The following CDH13 variants were observed in gnomAD, a reference collection of about 807,000 sequenced individuals.
CDH13 encodes cadherin 13.
In CDH13, 24 loss-of-function variants were observed where a neutral mutation model predicts 63.8. The observed-to-expected ratio is 0.38, with a 90% CI of 0.27 to 0.53. CDH13 has a LOEUF of 0.53. Ranked by LOEUF, CDH13 falls within the 20% of genes least tolerant of loss-of-function variation. The pLI, the probability that CDH13 is intolerant of heterozygous loss-of-function variation, is 0.85. For synonymous variants in CDH13, 503 were observed against 355.3 expected, an observed-to-expected ratio of 1.42 and a Z score of -4.67; for missense variants, 1,049 against 903.1, an observed-to-expected ratio of 1.16 and a Z score of -2.07.
At chr16:83,043,745 G>C (rs938179682) in intron 3 of CDH13, among the ~76,000 whole-genome samples, 6 of 151,348 alleles carry the variant, frequency 4.0e-5, no homozygotes, top group Non-Finnish European at 8.8e-5. Flanking sequence ...TGTAATCCCA[G>C]CTACTCAGGA....
chr16:82,649,908 G>T (rs1049775056), intron 1 of CDH13, among the ~76,000 whole-genome samples: 21 of 152,170 alleles, frequency 1.4e-4, no homozygotes, highest in Admixed American at 5.2e-4. Flanking sequence ...TTCCTGAGAG[G>T]AGGAATTGAA....
At chr16:82,795,765 C>G (rs2036550718) in intron 1 of CDH13, among the ~76,000 whole-genome samples, 1 of 152,068 alleles carries the variant, frequency 6.6e-6, no homozygotes, top group South Asian at 2.1e-4. Context: ...AAAACAATGG[C>G]TGTAGTGGTG....
intron 5 of CDH13, among the ~76,000 whole-genome samples, chr16:83,263,885 T>A (rs1364312): frequency 0.38 from 56,534 of 150,346 alleles, 10,751 homozygotes; most frequent in South Asian, 0.45. Flanking sequence ...GCTGAATTTT[T>A]TAAAAAAAAT....
Position 83,603,509 on chromosome 16 carries a change from G to A in CDH13, c.1101+915G>A, listed in dbSNP as rs149369190. 1.2e-3 allele frequency among the ~76,000 whole-genome samples: 188 copies of A among 152,204 alleles called. 1 individual carries two copies. The highest frequency in any genetic ancestry group is 2.1e-3 in the Non-Finnish European group (143 of 68,034). On this transcript the variant is annotated intron_variant, in intron 8 of 13. Transcript: ENST00000567109. ...AAGGTCATGGACAGAAAAAGTGGCAGAAACAGGAAGTGAACCAGGTTCCTG... is the reference window on the plus strand; with the variant it reads ...AAGGTCATGGACAGAAAAAGTGGCAAAAACAGGAAGTGAACCAGGTTCCTG...
chr16:83,785,687 A>T (rs1915834277), intron 13 of CDH13, among the ~76,000 whole-genome samples: 1 of 152,136 alleles, frequency 6.6e-6, no homozygotes, highest in Admixed American at 6.6e-5. Context: ...GCATAGTATC[A>T]GCTGGGGAGA....
At chr16:83,141,684 C>G (rs910068990) in intron 4 of CDH13, among the ~76,000 whole-genome samples, 12 of 152,098 alleles carry the variant, frequency 7.9e-5, no homozygotes, top group Non-Finnish European at 7.4e-5. Flanking sequence ...CAACCCCCAA[C>G]AGGCCCCAGT....
intron 6 of CDH13, among the ~76,000 whole-genome samples, chr16:83,449,623 C>T (rs547755458): frequency 3.3e-5 from 5 of 152,270 alleles, no homozygotes; most frequent in East Asian, 1.9e-4. Flanking sequence ...ACACAGGATG[C>T]AGTTCCCACA....
Position 83,111,304 on chromosome 16 carries a change from G to T in CDH13, c.367-14081G>T, listed in dbSNP as rs762165163. 5.3e-5 allele frequency among the ~76,000 whole-genome samples: 8 copies of T among 152,330 alleles called. No individual in the cohort carries two copies. The South Asian group carries it at 1.7e-3, about 32-fold the overall frequency. ...AATATCATTGGATAGTGCCATGATAGAAGAATGTCCCATGTGCAGTGAGAA... is the reference window on the plus strand; with the variant it reads ...AATATCATTGGATAGTGCCATGATATAAGAATGTCCCATGTGCAGTGAGAA... On this transcript the variant is annotated intron_variant, in intron 3 of 13. Transcript: ENST00000567109.
At chr16:83,001,819 C>T (rs922125054) in intron 2 of CDH13, among the ~76,000 whole-genome samples, 4 of 152,170 alleles carry the variant, frequency 2.6e-5, no homozygotes, top group Admixed American at 2.6e-4. Flanking sequence ...TGGAGAAGAT[C>T]ACTTTTGACT....
chr16:82,936,451 C>T (rs564535394), intron 2 of CDH13, among the ~76,000 whole-genome samples: 60 of 152,034 alleles, frequency 3.9e-4, no homozygotes, highest in African/African-American at 5.3e-4. Context: ...AGTTTCAACC[C>T]GAATCCACCC....
intron 7 of CDH13, among the ~76,000 whole-genome samples, chr16:83,584,514 CT>C (rs1375796870): frequency 6.6e-6 from 1 of 152,122 alleles, no homozygotes; most frequent in Admixed American, 6.5e-5. Context: ...AAAGTGACCC[CT>C]GAGGCGGTCA....
chr16:83,667,207 T>A (rs991326224), intron 8 of CDH13, among the ~76,000 whole-genome samples: 1 of 152,170 alleles, frequency 6.6e-6, no homozygotes, highest in Non-Finnish European at 1.5e-5. Context: ...TGCACATCTC[T>A]GAGAATTCCT....
At chr16:82,947,066 A>C (rs1904813033) in intron 2 of CDH13, among the ~76,000 whole-genome samples, 1 of 147,648 alleles carries the variant, frequency 6.8e-6, no homozygotes, top group South Asian at 2.1e-4. Context: ...AAGAAAGTTT[A>C]AGGCTATCTC....
chr16:82,982,749 T>C (rs1330270411), intron 2 of CDH13, among the ~76,000 whole-genome samples: 1 of 152,190 alleles, frequency 6.6e-6, no homozygotes, highest in Non-Finnish European at 1.5e-5. Context: ...CGCATCACAA[T>C]CCTATAACTA....
chr16:83,117,296 C>T (rs148458898), intron 3 of CDH13, among the ~76,000 whole-genome samples: 146 of 152,294 alleles, frequency 9.6e-4, no homozygotes, highest in African/African-American at 3.3e-3. Flanking sequence ...ACCTTGCCCA[C>T]GCCAGCAGCT....
At position 83,783,537 on chromosome 16, in the gene CDH13, C is replaced by G. The variant is rs1475368966; in HGVS notation, c.2134+65C>G. The G allele has an allele frequency of 5.8e-6, 7 of 1,202,484 alleles. No homozygotes were observed. In the African/African-American group the frequency reaches 7.5e-5, roughly 13 times the overall value. The allele number at this position is 1,202,484 out of a possible 1,614,324, so 74.5% of individuals were successfully genotyped here. On this transcript the variant is annotated intron_variant, in intron 13 of 13. Coordinates refer to ENST00000567109, the MANE Select transcript of CDH13 (RefSeq NM_001257.5). ...TTGTAACTTCACTGGGTTCGTGAAG[C>G]CAGCATTTTCCCATATACCTTTCCA... is the stretch of plus-strand genomic sequence containing the variant.
At chr16:82,959,130 G>A (rs189322533) in intron 2 of CDH13, among the ~76,000 whole-genome samples, 59 of 152,228 alleles carry the variant, frequency 3.9e-4, no homozygotes, top group African/African-American at 1.4e-3. Flanking sequence ...TCACAGTTAT[G>A]GCACATACAC....
At chr16:83,691,692 G>T (rs1255869046) in intron 10 of CDH13, among the ~76,000 whole-genome samples, 1 of 152,042 alleles carries the variant, frequency 6.6e-6, no homozygotes, top group African/African-American at 2.4e-5. Flanking sequence ...GTCTATGCAG[G>T]CCCCAGGGTA....
chr16:83,089,544 C>T (rs79666309), intron 3 of CDH13, among the ~76,000 whole-genome samples: 3 of 152,326 alleles, frequency 2.0e-5, no homozygotes, highest in African/African-American at 7.2e-5. Context: ...AGACAGGAGT[C>T]CTGCAGTTTC....
Sources: allele counts gnomAD v4.1 joint callset (sites outside exome capture counted in the v4.1 genomes callset), GRCh38; gene constraint gnomAD v4.1.1; transcripts MANE v1.5; gene names NCBI Gene and HGNC (gene_info 2026-07-23, HGNC 2026-07-21).